The following CAMTA1 variants were observed in gnomAD, a reference collection of about 807,000 sequenced individuals.
CAMTA1 encodes the protein calmodulin-binding transcription activator 1.
Under a neutral mutation model 170.9 loss-of-function variants are expected in CAMTA1, and 27 were observed. The ratio of observed to expected loss-of-function variants is 0.16; its 90% confidence interval spans 0.12 to 0.22. The LOEUF is 0.22. CAMTA1 is among the 10% of genes least tolerant of loss of function. The probability of loss-of-function intolerance (pLI) is 1.00; values close to 1 mark genes in which losing one functional copy is unlikely to be tolerated. For missense variants in CAMTA1, 1,619 were observed against 2,217.2 expected, an observed-to-expected ratio of 0.73 and a Z score of 5.42; for synonymous variants, 833 against 891.5, an observed-to-expected ratio of 0.93 and a Z score of 1.17.
At chr1:7,391,197 A>G (rs1308645303) in intron 5 of CAMTA1, among the ~76,000 whole-genome samples, 2 of 152,168 alleles carry the variant, frequency 1.3e-5, no homozygotes, top group East Asian at 3.9e-4. Context: ...GGGTTTCTCC[A>G]TGTTGGTCAG....
In CAMTA1 at chr1:7,609,378, C is replaced by T. The variant is rs550164148; in HGVS notation, c.511-31022C>T. On this transcript the variant is annotated intron_variant, in intron 6 of 22. Coordinates refer to ENST00000303635, the MANE Select transcript of CAMTA1 (RefSeq NM_015215.4). The surrounding 1 kb of genome is among the most constrained non-coding windows in gnomAD (Gnocchi z 4.4). ...CACTCAACACTCAAAATAATGATCT[C>T]GCTGGAGCACCTTCATGAATGATTC... Among the ~76,000 whole-genome samples the T allele has an allele frequency of 2.6e-5, 4 of 152,330 alleles. No homozygotes were observed. The highest frequency in any genetic ancestry group is 2.1e-4 in the South Asian group (1 of 4,828).
In CAMTA1 at chr1:7,372,008, G is replaced by A. The variant is rs558774020; in HGVS notation, c.439-95822G>A. ...CCAGACCCAGCCTGGGGAAGTCCTG[G>A]GCTGAGCGTGCACCTCTCTTCTTTA... On this transcript the variant is annotated intron_variant, in intron 5 of 22. Transcript: ENST00000303635. 2.6e-5 allele frequency among the ~76,000 whole-genome samples: 4 copies of A among 152,284 alleles called. No individual in the cohort carries two copies. The East Asian group carries it at 7.7e-4, about 29-fold the overall frequency.
At chr1:7,763,373 A>G (rs985086182) in intron 22 of CAMTA1, among the ~76,000 whole-genome samples, 1 of 152,246 alleles carries the variant, frequency 6.6e-6, no homozygotes, top group African/African-American at 2.4e-5. Flanking sequence ...GCTAAGAACT[A>G]AATTCTCCAC....
intron 6 of CAMTA1, among the ~76,000 whole-genome samples, chr1:7,494,387 C>T (rs1160179886): frequency 6.6e-6 from 1 of 152,222 alleles, no homozygotes; most frequent in Non-Finnish European, 1.5e-5. Flanking sequence ...ATTCAATCTC[C>T]TGAGCTGCAG....
chr1:7,498,319 TA>T (rs2093873340), intron 6 of CAMTA1, among the ~76,000 whole-genome samples: 2 of 150,982 alleles, frequency 1.3e-5, no homozygotes, highest in Middle Eastern at 6.8e-3. Flanking sequence ...GATGTGTGTG[TA>T]AGAGTGAGTG....
Position 7,547,883 on chromosome 1 carries a change from A to AC in CAMTA1, c.510+79988dup, listed in dbSNP as rs1014061339. Reference sequence around the variant, plus strand: ...CTTGCAAGGGCACTCCACTGTGTGGACCCCCCACTCACCCGTCAATATGCC... The same window carrying AC: ...CTTGCAAGGGCACTCCACTGTGTGGACCCCCCCACTCACCCGTCAATATGCC... On this transcript the variant is annotated intron_variant, in intron 6 of 22. Transcript: ENST00000303635. This position sits in a 1 kb window ranked among gnomAD's most constrained non-coding sequence, Gnocchi z 5.7. Among the ~76,000 whole-genome samples the AC allele has an allele frequency of 6.6e-6, 1 of 151,256 alleles. No homozygotes were observed. The highest frequency in any genetic ancestry group is 6.6e-5 in the Admixed American group (1 of 15,182).
intron 1 of CAMTA1, among the ~76,000 whole-genome samples, chr1:6,791,913 A>G (rs930210002): frequency 2.0e-5 from 3 of 152,076 alleles, no homozygotes; most frequent in Non-Finnish European, 4.4e-5. Context: ...GGGACTTACA[A>G]ACATATAGAT....
Position 6,797,799 on chromosome 1 carries a change from C to T in CAMTA1, c.45+12224C>T, listed in dbSNP as rs138749325. 2.2e-3 allele frequency among the ~76,000 whole-genome samples: 331 copies of T among 152,142 alleles called. 1 individual carries two copies. Among genetic ancestry groups the T allele is most frequent in the African/African-American group, 7.5e-3 (310 of 41,512 alleles). On this transcript the variant is annotated intron_variant, in intron 1 of 22. Coordinates refer to ENST00000303635, the MANE Select transcript of CAMTA1 (RefSeq NM_015215.4). ...TTAAACTAAATTATCTAATAGGTAA[C>T]AGAAGAGTGGTCTGTTAGCTGGCTT...
At chr1:7,086,513 C>T (rs932956170) in intron 3 of CAMTA1, among the ~76,000 whole-genome samples, 2 of 152,086 alleles carry the variant, frequency 1.3e-5, no homozygotes, top group Admixed American at 6.5e-5. Context: ...CATCTAGCTC[C>T]AGACATTTTC....
intron 9 of CAMTA1, among the ~76,000 whole-genome samples, chr1:7,666,067 G>A (rs1576697239): frequency 6.6e-6 from 1 of 151,900 alleles, no homozygotes; most frequent in Non-Finnish European, 1.5e-5. Context: ...TACTCGGGAG[G>A]CTGAGGCAGG....
chr1:7,102,057 CA>C, intron 4 of CAMTA1, among the ~76,000 whole-genome samples: 1 of 111,230 alleles, frequency 9.0e-6, no homozygotes, highest in Non-Finnish European at 2.1e-5. Context: ...CACACACACA[CA>C]CACACACACA....
At chr1:6,945,436 C>A (rs906308704) in intron 3 of CAMTA1, among the ~76,000 whole-genome samples, 2 of 152,024 alleles carry the variant, frequency 1.3e-5, no homozygotes, top group Non-Finnish European at 2.9e-5. Flanking sequence ...GCAGTCTCAA[C>A]CTCCTGGGTT....
chr1:7,069,766 A>C (rs923787304), intron 3 of CAMTA1, among the ~76,000 whole-genome samples: 1 of 152,180 alleles, frequency 6.6e-6, no homozygotes, highest in African/African-American at 2.4e-5. Flanking sequence ...AACTGGATCC[A>C]TTTGCCAAAT....
At chr1:7,721,236 T>C (rs1171409366) in intron 11 of CAMTA1, among the ~76,000 whole-genome samples, 4 of 152,156 alleles carry the variant, frequency 2.6e-5, no homozygotes, top group African/African-American at 9.7e-5. Flanking sequence ...TTACCAGGCA[T>C]AGCAGAAAGA....
intron 6 of CAMTA1, among the ~76,000 whole-genome samples, chr1:7,558,131 C>T (rs1337197268): frequency 6.6e-6 from 1 of 152,190 alleles, no homozygotes; most frequent in Non-Finnish European, 1.5e-5. Flanking sequence ...CCAGGCCCCT[C>T]GCTCCGGCAG....
chr1:6,997,660 C>CTTTTTTTTT (rs111887834), intron 3 of CAMTA1, among the ~76,000 whole-genome samples: 26 of 127,640 alleles, frequency 2.0e-4, no homozygotes, highest in East Asian at 4.5e-4. Context: ...TCTTTTCTTT[C>CTTTTTTTTT]TTTTTTTTTT....
At chr1:6,837,458 A>G (rs1653739045) in intron 3 of CAMTA1, among the ~76,000 whole-genome samples, 1 of 152,066 alleles carries the variant, frequency 6.6e-6, no homozygotes, top group East Asian at 1.9e-4. Flanking sequence ...AGGGGAAAAC[A>G]CTCGCATATA....
intron 5 of CAMTA1, among the ~76,000 whole-genome samples, chr1:7,407,725 A>C (rs934154245): frequency 1.3e-5 from 2 of 152,040 alleles, no homozygotes; most frequent in African/African-American, 4.8e-5. Context: ...GGTCTCTGCC[A>C]GGCATGTTCA....
At chr1:7,284,804 C>T (rs914321633) in intron 5 of CAMTA1, among the ~76,000 whole-genome samples, 3 of 152,368 alleles carry the variant, frequency 2.0e-5, no homozygotes, top group South Asian at 2.1e-4. Flanking sequence ...CTCTTCAGGT[C>T]GTAACTCAAC....
Sources: gnomAD v4.1 joint callset for allele counts (sites outside exome capture counted in the v4.1 genomes callset) on GRCh38, gnomAD v4.1.1 for gene constraint, Gnocchi (gnomAD v3.1) non-coding constraint, MANE v1.5 for transcripts, NCBI Gene and HGNC (gene_info 2026-07-23, HGNC 2026-07-21) for gene names.